The following FOCAD variants were observed in gnomAD, a reference collection of about 807,000 sequenced individuals.
FOCAD encodes the protein focadhesin, also known as KIAA1797.
FOCAD carries 198 observed loss-of-function variants against 225.6 expected under a neutral mutation model. The observed-to-expected ratio is 0.88, with a 90% CI of 0.78 to 0.99. FOCAD has a LOEUF of 0.99. Among genes scored for constraint, FOCAD ranks in the 50% least tolerant of loss-of-function variants. The pLI is 0.00. For synonymous variants in FOCAD, 897 were observed against 755.0 expected (o/e 1.19, Z -3.08); for missense variants, 2,713 against 2,123.6 (o/e 1.28, Z -5.46).
intron 11 of FOCAD, among the ~76,000 whole-genome samples, chr9:20,791,232 C>T (rs1378172709): frequency 1.0e-5 from 1 of 98,638 alleles, no homozygotes; most frequent in Non-Finnish European, 2.2e-5. Context: ...CACACACACA[C>T]ACACTCACAC....
chr9:20,764,087 GGGTTAACA>G (rs1172743475), intron 6 of FOCAD, among the ~76,000 whole-genome samples: 1 of 152,134 alleles, frequency 6.6e-6, no homozygotes, highest in Non-Finnish European at 1.5e-5. Flanking sequence ...AACACTGTAA[GGGTTAACA>G]GGTTAACAAG....
At position 20,948,126 on chromosome 9, in the gene FOCAD, C is replaced by CTT. The variant is rs75783017; in HGVS notation, c.3676-144_3676-143dup. 0.39 allele frequency: 313,303 copies of CTT among 805,768 alleles called. 63,411 individuals carry two copies. Among genetic ancestry groups the CTT allele is most frequent in the East Asian group, 0.41 (12,567 of 30,758 alleles). The allele number at this position is 805,768 out of a possible 1,614,324, so 49.9% of individuals were successfully genotyped here. A position where few individuals can be genotyped will look rare whatever the true frequency, so the allele number is the denominator to read the frequency against. On this transcript the variant is annotated intron_variant, in intron 30 of 43. Coordinates refer to ENST00000338382, the MANE Select transcript of FOCAD (RefSeq NM_001375567.1). Reference sequence around the variant, plus strand: ...AAAAAAAACAAAAAACAAAAAAACACTTAAGTCTGATTTTTCATATGACAA... The same window carrying CTT: ...AAAAAAAACAAAAAACAAAAAAACACTTTTAAGTCTGATTTTTCATATGACAA...
intron 2 of FOCAD, among the ~76,000 whole-genome samples, chr9:20,673,134 T>C (rs1288261158): frequency 6.6e-6 from 1 of 152,212 alleles, no homozygotes; most frequent in Non-Finnish European, 1.5e-5. Flanking sequence ...TTGGCCAGTA[T>C]AGACAGAAAT....
At chr9:20,794,477 A>C (rs929619671) in intron 11 of FOCAD, among the ~76,000 whole-genome samples, 2 of 152,220 alleles carry the variant, frequency 1.3e-5, no homozygotes, top group African/African-American at 4.8e-5. Context: ...ACAACTTTCT[A>C]ATAGGAATTC....
At chr9:20,737,070 A>ATAAT (rs1488452243) in intron 4 of FOCAD, among the ~76,000 whole-genome samples, 1 of 152,188 alleles carries the variant, frequency 6.6e-6, no homozygotes, top group Non-Finnish European at 1.5e-5. Context: ...TTCAAAAATT[A>ATAAT]TAATCTACTC....
At chr9:20,966,351 A>C (rs890799464) in intron 35 of FOCAD, among the ~76,000 whole-genome samples, 1 of 152,006 alleles carries the variant, frequency 6.6e-6, no homozygotes, top group Non-Finnish European at 1.5e-5. Flanking sequence ...TATCTGTTCA[A>C]GTCCTTTGCC....
intron 6 of FOCAD, 48 bp from the exon 7 acceptor site, chr9:20,764,821 A>G (rs752571361): frequency 1.4e-6 from 2 of 1,438,370 alleles, no homozygotes; most frequent in Non-Finnish European, 1.9e-6. Context: ...TACCTGCTTG[A>G]TAGTGTGTTT....
intron 5 of FOCAD, among the ~76,000 whole-genome samples, chr9:20,751,831 CT>C (rs1828578502): frequency 6.9e-6 from 1 of 145,744 alleles, no homozygotes; most frequent in Non-Finnish European, 1.5e-5. Context: ...TGTTTCCTGA[CT>C]TTTTAATGAT....
intron 4 of FOCAD, among the ~76,000 whole-genome samples, chr9:20,721,011 A>C (rs1825728620): frequency 6.6e-6 from 1 of 152,128 alleles, no homozygotes; most frequent in Non-Finnish European, 1.5e-5. Context: ...CAAAGTTAAT[A>C]ATGTTTTGTT....
At chr9:20,874,151 A>ACAGATTTAGTGTTTTTGTATTAAGACTG (rs1830030031) in intron 18 of FOCAD, 2 of 152,228 alleles carry the variant, frequency 1.3e-5, no homozygotes, top group Non-Finnish European at 1.5e-5. Flanking sequence ...TGTATTCCAC[A>ACAGATTTAGTGTTTTTGTATTAAGACTG]GCAACAAACT....
At chr9:20,677,521 A>C (rs1212266107) in intron 2 of FOCAD, among the ~76,000 whole-genome samples, 1 of 152,222 alleles carries the variant, frequency 6.6e-6, no homozygotes, top group Non-Finnish European at 1.5e-5. Context: ...TAGCAAAAAA[A>C]CCAAATAACC....
chr9:20,990,268 G>T lies in FOCAD; in HGVS notation c.5150G>T (p.Gly1717Val), dbSNP rs371645516. Residue 1717 changes from glycine to valine, a missense_variant, in exon 42 of 44, where the codon GGC (glycine) becomes GTC (valine). Gly to Val is a moderately radical substitution (Grantham distance 109). Coordinates refer to ENST00000338382, the MANE Select transcript of FOCAD (RefSeq NM_001375567.1). ...GCTGGGCCAGTACCAAGCTTCCTTG[G>T]CAGGAGTCCAATGCACAGGGTCACT... ...GPAGPVPSFLGRSPMHRVTLQ... is the reference protein window; with the variant it reads ...GPAGPVPSFLVRSPMHRVTLQ... 4.3e-6 allele frequency: 7 copies of T among 1,614,160 alleles called. No homozygotes were observed. The highest frequency in any genetic ancestry group is 4.2e-6 in the Non-Finnish European group (5 of 1,180,034).
intron 39 of FOCAD, among the ~76,000 whole-genome samples, chr9:20,983,246 T>C (rs1459935380): frequency 2.6e-5 from 4 of 152,126 alleles, no homozygotes; most frequent in Non-Finnish European, 5.9e-5. Context: ...TCCAGGTGAT[T>C]CTGGTGTATC....
In FOCAD at chr9:20,986,427, G is replaced by A. The variant is rs758320774; in HGVS notation, c.4868G>A (p.Ser1623Asn). ...KEVLAWMILH[S>N]LYQARIVSHA... The stretch of plus-strand genomic sequence containing the variant: ...GTGTTGGCCTGGATGATTCTGCACA[G>A]CTTATACCAGGCACGGATTGTGAGC... Residue 1623 changes from serine (S) to asparagine (N), a missense_variant, in exon 40 of 44, where the codon AGC (serine) becomes AAC (asparagine). By Grantham distance (46) the Ser-to-Asn change is conservative. Transcript: ENST00000338382. 1.2e-6 allele frequency: 2 copies of A among 1,612,534 alleles called. No homozygotes were observed. The highest frequency in any genetic ancestry group is 1.1e-5 in the South Asian group (1 of 90,928).
At chr9:20,970,230 A>G (rs1193336734) in intron 35 of FOCAD, among the ~76,000 whole-genome samples, 2 of 151,652 alleles carry the variant, frequency 1.3e-5, no homozygotes, top group African/African-American at 2.4e-5. Context: ...GAATGTATGG[A>G]TTTGTGTCTT....
At chr9:20,796,905 A>C (rs530525224) in intron 11 of FOCAD, among the ~76,000 whole-genome samples, 2 of 151,818 alleles carry the variant, frequency 1.3e-5, no homozygotes, top group South Asian at 2.1e-4. Context: ...CTATGTACTG[A>C]ATGGTATTGC....
chr9:20,873,082 G>A (rs568699066), intron 18 of FOCAD, among the ~76,000 whole-genome samples: 44 of 151,958 alleles, frequency 2.9e-4, no homozygotes, highest in African/African-American at 1.0e-3. Context: ...TGAACGTTTG[G>A]GCTGCATGAA....
chr9:20,890,059 A>T (rs948714639), intron 21 of FOCAD, among the ~76,000 whole-genome samples: 38 of 152,186 alleles, frequency 2.5e-4, no homozygotes, highest in African/African-American at 9.1e-4. Context: ...TACTAAACCA[A>T]CTTATATATT....
chr9:20,750,717 A>G (rs78848760), intron 5 of FOCAD, among the ~76,000 whole-genome samples: 1,858 of 152,318 alleles, frequency 0.012, 14 homozygotes, highest in Middle Eastern at 0.027. Flanking sequence ...CTTCCTGGAC[A>G]TAACACTTCC....
Sources: allele counts gnomAD v4.1 joint callset (sites outside exome capture counted in the v4.1 genomes callset), GRCh38; gene constraint gnomAD v4.1.1; transcripts MANE v1.5; gene names NCBI Gene and HGNC (gene_info 2026-07-23, HGNC 2026-07-21).